GALNT18: variants seen among roughly 807,000 people sequenced by gnomAD.
GALNT18 encodes the protein GalNAc-transferase 18.
In GALNT18, 44 loss-of-function variants were observed where a neutral mutation model predicts 69.5. That is an observed-to-expected ratio of 0.63 (90% CI 0.50 to 0.81). The LOEUF is 0.81. GALNT18 is among the 40% of genes least tolerant of loss of function. The probability of loss-of-function intolerance (pLI) is 0.00; values close to 1 mark genes in which losing one functional copy is unlikely to be tolerated. For synonymous variants in GALNT18, 364 were observed against 318.2 expected (o/e 1.14, Z -1.53); for missense variants, 715 against 810.0 (o/e 0.88, Z 1.42).
At chr11:11,281,266 G>A (rs950754912) in intron 10 of GALNT18, among the ~76,000 whole-genome samples, 1 of 152,194 alleles carries the variant, frequency 6.6e-6, no homozygotes, top group South Asian at 2.1e-4. Context: ...TGTGTGGCCT[G>A]GGCAAGCCTC....
intron 3 of GALNT18, among the ~76,000 whole-genome samples, chr11:11,393,317 T>C (rs555623084): frequency 6.6e-6 from 1 of 152,352 alleles, no homozygotes; most frequent in African/African-American, 2.4e-5. Flanking sequence ...CCCGGGCTCC[T>C]AAGTGGGCTG....
At chr11:11,533,506 TC>T (rs1229104744) in intron 1 of GALNT18, among the ~76,000 whole-genome samples, 2 of 152,198 alleles carry the variant, frequency 1.3e-5, no homozygotes, top group African/African-American at 4.8e-5. Context: ...GAGGCGACGT[TC>T]GCTCAGAGAC....
intron 1 of GALNT18, among the ~76,000 whole-genome samples, chr11:11,527,826 T>G (rs980777125): frequency 1.3e-5 from 2 of 152,108 alleles, no homozygotes; most frequent in Non-Finnish European, 2.9e-5. Flanking sequence ...TCTTAAACTG[T>G]GAATAGTAAG....
intron 3 of GALNT18, among the ~76,000 whole-genome samples, chr11:11,425,507 T>C (rs1855107654): frequency 6.6e-6 from 1 of 152,242 alleles, no homozygotes; most frequent in Admixed American, 6.5e-5. Context: ...CAAATTCAAA[T>C]TAACTTTGAA....
At chr11:11,478,127 T>TA (rs541210013) in intron 1 of GALNT18, among the ~76,000 whole-genome samples, 2 of 151,994 alleles carry the variant, frequency 1.3e-5, no homozygotes, top group Non-Finnish European at 2.9e-5. Flanking sequence ...TCTAAGAACA[T>TA]ACAAAGAGAA....
chr11:11,275,892 C>A (rs937153408), intron 10 of GALNT18, among the ~76,000 whole-genome samples: 17 of 152,062 alleles, frequency 1.1e-4, no homozygotes, highest in Admixed American at 1.0e-3. Flanking sequence ...ATTGGTCTAT[C>A]TCTCTGTTTT....
intron 1 of GALNT18, among the ~76,000 whole-genome samples, chr11:11,519,963 G>C (rs1247181667): frequency 1.3e-5 from 2 of 152,202 alleles, no homozygotes; most frequent in African/African-American, 4.8e-5. Flanking sequence ...CACTGGATCA[G>C]GTCTGCCAGC....
At chr11:11,571,135 T>G (rs1858784426) in intron 1 of GALNT18, among the ~76,000 whole-genome samples, 1 of 152,226 alleles carries the variant, frequency 6.6e-6, no homozygotes, top group South Asian at 2.1e-4. Context: ...AGTCTTATTC[T>G]TTCCATTTTA....
chr11:11,339,388 G>A lies in GALNT18; in HGVS notation c.1278+1431C>T, dbSNP rs1239671697. ...ACCTGTCAGCTGCAAGGGGGAGAGG[G>A]CTAGAAGTTTTGCAGCTCTGGGGTA... On this transcript the variant is annotated intron_variant, in intron 7 of 10. Coordinates refer to ENST00000227756, the MANE Select transcript of GALNT18 (RefSeq NM_198516.3). The surrounding 1 kb of genome is among the most constrained non-coding windows in gnomAD (Gnocchi z 5.2). Among the ~76,000 whole-genome samples, 1 of 152,146 alleles carries A rather than the reference G, an allele frequency of 6.6e-6. No individual in the cohort carries two copies. The highest frequency in any genetic ancestry group is 2.4e-5 in the African/African-American group (1 of 41,428).
rs575557349 is a variant in GALNT18 at position 11,415,473 on chromosome 11, G to C, written c.595+17148C>G. Among the ~76,000 whole-genome samples the C allele has an allele frequency of 2.0e-5, 3 of 152,150 alleles. No individual in the cohort carries two copies. Among genetic ancestry groups the C allele is most frequent in the Admixed American group, 2.0e-4 (3 of 15,282 alleles). ...CCAAGTTCATGTGAGTCTGTCTCTA[G>C]GTACAAGGCAGTTAAAGAAATACAT... is the stretch of plus-strand genomic sequence containing the variant. On this transcript the variant is annotated intron_variant, in intron 3 of 10. Coordinates refer to ENST00000227756, the MANE Select transcript of GALNT18 (RefSeq NM_198516.3). The surrounding 1 kb of genome is among the most constrained non-coding windows in gnomAD (Gnocchi z 4.1).
At chr11:11,401,057 A>G (rs1854454439) in intron 3 of GALNT18, among the ~76,000 whole-genome samples, 1 of 152,168 alleles carries the variant, frequency 6.6e-6, no homozygotes, top group Admixed American at 6.5e-5. Flanking sequence ...TAGTGAGACG[A>G]GATCAGGGGA....
intron 2 of GALNT18, among the ~76,000 whole-genome samples, chr11:11,434,970 T>C (rs1184857537): frequency 6.6e-6 from 1 of 152,200 alleles, no homozygotes; most frequent in African/African-American, 2.4e-5. Flanking sequence ...GAGATGAGTA[T>C]TAACACAAAC....
chr11:11,456,134 A>T (rs566116785), intron 1 of GALNT18, among the ~76,000 whole-genome samples: 69 of 152,322 alleles, frequency 4.5e-4, no homozygotes, highest in Non-Finnish European at 8.5e-4. Context: ...GTCCAACTGC[A>T]GGCTGATCTT....
intron 1 of GALNT18, among the ~76,000 whole-genome samples, chr11:11,510,137 C>T (rs1425705986): frequency 2.6e-5 from 4 of 152,204 alleles, no homozygotes; most frequent in African/African-American, 9.6e-5. Context: ...CCAAAAGGAG[C>T]ATTACCACCA....
intron 6 of GALNT18, among the ~76,000 whole-genome samples, chr11:11,359,525 G>A (rs570102163): frequency 6.6e-6 from 1 of 152,106 alleles, no homozygotes; most frequent in East Asian, 1.9e-4. Flanking sequence ...CTCTCATTTA[G>A]TAATCCCCCA....
At position 11,521,278 on chromosome 11, in the gene GALNT18, A is replaced by G. The variant is rs1857393258; in HGVS notation, c.236-72342T>C. 2.0e-5 allele frequency among the ~76,000 whole-genome samples: 3 copies of G among 152,124 alleles called. No homozygotes were observed. The South Asian group carries it at 6.2e-4, about 32-fold the overall frequency. On this transcript the variant is annotated intron_variant, in intron 1 of 10. Coordinates refer to ENST00000227756, the MANE Select transcript of GALNT18 (RefSeq NM_198516.3). ...TATCTGGATACAAACAGGGGTACAA[A>G]CTAGCAAACATTTTTAAATTACAAG...
chr11:11,561,121 C>G (rs1858494200), intron 1 of GALNT18, among the ~76,000 whole-genome samples: 1 of 152,160 alleles, frequency 6.6e-6, no homozygotes, highest in Non-Finnish European at 1.5e-5. Flanking sequence ...ATTCTTGGTT[C>G]ATTAATCATC....
chr11:11,447,373 C>T (rs1384454282), intron 2 of GALNT18, among the ~76,000 whole-genome samples: 1 of 152,194 alleles, frequency 6.6e-6, no homozygotes, highest in African/African-American at 2.4e-5. Context: ...CTTTATATTT[C>T]TCCATAGCAC....
rs1198233185 is a variant in GALNT18 at position 11,591,956 on chromosome 11, CA to C, written c.235+29402del. 6.6e-6 allele frequency among the ~76,000 whole-genome samples: 1 copy of C among 152,158 alleles called. No homozygotes were observed. The highest frequency in any genetic ancestry group is 1.5e-5 in the Non-Finnish European group (1 of 68,030). Reference sequence around the variant, plus strand: ...CCAACACATGCTGACTGAGTGACCTCAGATACATGATTTAATGTTTCTGTGC... The same window carrying C: ...CCAACACATGCTGACTGAGTGACCTCGATACATGATTTAATGTTTCTGTGC... On this transcript the variant is annotated intron_variant, in intron 1 of 10. Transcript: ENST00000227756. The surrounding 1 kb of genome is among the most constrained non-coding windows in gnomAD (Gnocchi z 4.8).
Sources: gnomAD v4.1 joint callset for allele counts (sites outside exome capture counted in the v4.1 genomes callset) on GRCh38, gnomAD v4.1.1 for gene constraint, Gnocchi (gnomAD v3.1) non-coding constraint, MANE v1.5 for transcripts, NCBI Gene and HGNC (gene_info 2026-07-23, HGNC 2026-07-21) for gene names.